The following THADA variants were observed in gnomAD, a reference collection of about 807,000 sequenced individuals.
THADA encodes THADA armadillo repeat containing, also known as tRNA (32-2'-O)-methyltransferase regulator THADA.
Under a neutral mutation model 219.8 loss-of-function variants are expected in THADA, and 213 were observed. The ratio of observed to expected loss-of-function variants is 0.97; its 90% confidence interval spans 0.87 to 1.09. THADA has a LOEUF of 1.09. Among genes scored for constraint, THADA ranks in the 50% least tolerant of loss-of-function variants. THADA has a pLI of 0.00. For missense variants in THADA, 2,956 were observed against 2,311.3 expected (o/e 1.28, Z -5.72); for synonymous variants, 1,018 against 828.9 (o/e 1.23, Z -3.92).
intron 21 of THADA, among the ~76,000 whole-genome samples, chr2:43,532,826 A>T (rs1039745367): frequency 3.3e-5 from 5 of 152,238 alleles, no homozygotes; most frequent in Non-Finnish European, 7.3e-5. Flanking sequence ...TTCACGACAT[A>T]GGCATGGGCA....
chr2:43,550,263 T>C (rs967229660), intron 19 of THADA, among the ~76,000 whole-genome samples: 1 of 152,208 alleles, frequency 6.6e-6, no homozygotes, highest in Non-Finnish European at 1.5e-5. Context: ...GAACCGGTAT[T>C]TATTGTACAT....
At chr2:43,589,096 C>T (rs897271640) in intron 4 of THADA, among the ~76,000 whole-genome samples, 2 of 152,020 alleles carry the variant, frequency 1.3e-5, no homozygotes, top group Non-Finnish European at 1.5e-5. Context: ...ATAGTATTAC[C>T]ATATGGTCCA....
At chr2:43,556,697 G>A in intron 16 of THADA, 142 bp from the exon 17 acceptor site, 2 of 730,686 alleles carry the variant, frequency 2.7e-6, no homozygotes, top group South Asian at 4.1e-5. Context: ...GGCTGATGGA[G>A]GAGGATTACT....
At chr2:43,355,347 AC>A (rs1668758290) in intron 29 of THADA, among the ~76,000 whole-genome samples, 1 of 152,162 alleles carries the variant, frequency 6.6e-6, no homozygotes, top group Non-Finnish European at 1.5e-5. Flanking sequence ...TTACATTCCC[AC>A]CAACAGTGTA....
At chr2:43,463,520 A>G (rs979860988) in intron 26 of THADA, among the ~76,000 whole-genome samples, 6 of 152,228 alleles carry the variant, frequency 3.9e-5, no homozygotes, top group Non-Finnish European at 7.3e-5. Flanking sequence ...GGAAAATGAA[A>G]TCCAAGATAG....
chr2:43,369,203 T>A (rs188997669), intron 29 of THADA, among the ~76,000 whole-genome samples: 1 of 152,222 alleles, frequency 6.6e-6, no homozygotes, highest in East Asian at 1.9e-4. Context: ...CTTGGAAGAG[T>A]CTCCCGTTGT....
intron 29 of THADA, among the ~76,000 whole-genome samples, chr2:43,353,608 G>A (rs1668535012): frequency 1.3e-5 from 2 of 152,018 alleles, no homozygotes; most frequent in Non-Finnish European, 2.9e-5. Context: ...TCTGATACAT[G>A]GCTTGCAAAT....
In THADA at chr2:43,551,838, G is replaced by A. The variant is rs1696786722; in HGVS notation, c.2898C>T (p.Val966=). Reference sequence around the variant, plus strand: ...GGCCTTCAGGGGATGAGCTCTGAATGACTGGAGACACCACAGTGGAAAGCC... The same window carrying A: ...GGCCTTCAGGGGATGAGCTCTGAATAACTGGAGACACCACAGTGGAAAGCC... ...SYRLSTVVSP[V]IQSSSPEGLI... The change falls in exon 19 of 38, where the codon GTC becomes GTT. Residue 966 remains valine (V), a synonymous_variant. Coordinates refer to ENST00000405975, the MANE Select transcript of THADA (RefSeq NM_022065.5). 3 of 1,613,716 alleles carry A rather than the reference G, an allele frequency of 1.9e-6. No individual in the cohort carries two copies. The highest frequency in any genetic ancestry group is 2.5e-6 in the Non-Finnish European group (3 of 1,179,846).
In THADA at chr2:43,433,221, AT is replaced by A. The variant is rs554068857; in HGVS notation, c.3837-2920del. ...GGGAGATTTTTTTTGGAAAAAAAAA[AT>A]GATATGCCTTAAAAAGGAGATGTGC... On this transcript the variant is annotated intron_variant, in intron 26 of 37. Coordinates refer to ENST00000405975, the MANE Select transcript of THADA (RefSeq NM_022065.5). Among the ~76,000 whole-genome samples the A allele has an allele frequency of 4.7e-4, 71 of 152,060 alleles. 1 individual carries two copies. The South Asian group carries it at 6.6e-3, about 14-fold the overall frequency.
chr2:43,581,994 T>A, intron 7 of THADA, 66 bp from the exon 8 acceptor site: 1 of 1,232,284 alleles, frequency 8.1e-7, no homozygotes, highest in Non-Finnish European at 1.1e-6. Context: ...TTTCTAATTA[T>A]CAGCAAAATA....
chr2:43,251,064 T>C (rs1481873212), intron 36 of THADA, among the ~76,000 whole-genome samples: 2 of 152,116 alleles, frequency 1.3e-5, no homozygotes, highest in Admixed American at 6.5e-5. Flanking sequence ...ACTGGAAAGG[T>C]TGCAGCCTGA....
chr2:43,476,147 G>A (rs1203966181), intron 26 of THADA, among the ~76,000 whole-genome samples: 1 of 152,128 alleles, frequency 6.6e-6, no homozygotes, highest in Non-Finnish European at 1.5e-5. Flanking sequence ...GGATAAGCTG[G>A]GCCATGCTAA....
At chr2:43,365,525 C>T (rs1670034354) in intron 29 of THADA, among the ~76,000 whole-genome samples, 1 of 151,490 alleles carries the variant, frequency 6.6e-6, no homozygotes, top group Non-Finnish European at 1.5e-5. Flanking sequence ...GAGCTGAGAT[C>T]ACGCCACCGC....
chr2:43,579,098 G>C (rs1459424600), intron 8 of THADA, among the ~76,000 whole-genome samples: 1 of 152,170 alleles, frequency 6.6e-6, no homozygotes, highest in African/African-American at 2.4e-5. Flanking sequence ...CCAAAGTGTT[G>C]GGATTACAGG....
intron 25 of THADA, among the ~76,000 whole-genome samples, chr2:43,487,481 T>C (rs187145931): frequency 1.5e-4 from 23 of 152,338 alleles, no homozygotes. Context: ...TTTGATTCAA[T>C]AGACTGACGG....
intron 4 of THADA, among the ~76,000 whole-genome samples, chr2:43,589,210 G>C (rs1024359369): frequency 6.6e-6 from 1 of 152,132 alleles, no homozygotes; most frequent in African/African-American, 2.4e-5. Context: ...CAGGCAAGCA[G>C]TGGAAGCAAC....
intron 27 of THADA, among the ~76,000 whole-genome samples, chr2:43,429,832 T>C (rs1679004994): frequency 6.6e-6 from 1 of 151,532 alleles, no homozygotes; most frequent in African/African-American, 2.4e-5. Flanking sequence ...CAATATGATA[T>C]AATTACAAAA....
chr2:43,238,980 A>G (rs1668348864), intron 36 of THADA, among the ~76,000 whole-genome samples: 2 of 152,204 alleles, frequency 1.3e-5, no homozygotes, highest in African/African-American at 4.8e-5. Flanking sequence ...CTGCTAGGGC[A>G]AGAAGAAATA....
chr2:43,445,147 T>C (rs931765060), intron 26 of THADA, among the ~76,000 whole-genome samples: 1 of 152,044 alleles, frequency 6.6e-6, no homozygotes, highest in Non-Finnish European at 1.5e-5. Flanking sequence ...ACCACAGTGA[T>C]TGCTGATAAA....
Sources: gnomAD v4.1 joint callset for allele counts (sites outside exome capture counted in the v4.1 genomes callset) on GRCh38, gnomAD v4.1.1 for gene constraint, MANE v1.5 for transcripts, NCBI Gene and HGNC (gene_info 2026-07-23, HGNC 2026-07-21) for gene names.